Variants in DTNA observed in about 807,000 individuals in gnomAD.
DTNA encodes dystrobrevin alpha, also known as dystrophin-related protein 3.
Under a neutral mutation model 100.7 loss-of-function variants are expected in DTNA, and 43 were observed. The ratio of observed to expected loss-of-function variants is 0.43; its 90% CI spans 0.33 to 0.55. The LOEUF (loss-of-function observed/expected upper bound fraction) is 0.55, where lower values mean the gene tolerates loss of function less well. Among genes scored for constraint, DTNA ranks in the 20% least tolerant of loss-of-function variants. The pLI is 0.04. For missense variants in DTNA, 798 were observed against 953.9 expected (o/e 0.84, Z 2.15); for synonymous variants, 349 against 347.9 (o/e 1.00, Z -0.04).
intron 17 of DTNA, chr18:34,866,678 C>T (rs188534215): frequency 2.1e-4 from 212 of 998,514 alleles, no homozygotes; most frequent in Non-Finnish European, 2.4e-4. Context: ...TTCCCCATGG[C>T]TCACCAAAAT....
chr18:34,749,284 T>A (rs1410578386), intron 1 of DTNA, among the ~76,000 whole-genome samples: 1 of 152,148 alleles, frequency 6.6e-6, no homozygotes, highest in East Asian at 1.9e-4. Flanking sequence ...TTTGGTTTCT[T>A]CTTTCCAATT....
At chr18:34,507,986 A>G (rs886992549) in intron 1 of DTNA, among the ~76,000 whole-genome samples, 18 of 152,190 alleles carry the variant, frequency 1.2e-4, no homozygotes, top group African/African-American at 4.3e-4. Flanking sequence ...TTTCAAGTAA[A>G]TATAGTAAGG....
At chr18:34,731,941 GCTGT>G (rs1407357242) in intron 1 of DTNA, among the ~76,000 whole-genome samples, 7 of 152,166 alleles carry the variant, frequency 4.6e-5, no homozygotes, top group Non-Finnish European at 5.9e-5. Flanking sequence ...AACATTGTCA[GCTGT>G]CTAAGTGTTT....
chr18:34,601,496 T>A (rs2051820366), intron 1 of DTNA, among the ~76,000 whole-genome samples: 1 of 152,146 alleles, frequency 6.6e-6, no homozygotes, highest in Non-Finnish European at 1.5e-5. Context: ...TACCTCACCA[T>A]GTGCTTAGAA....
chr18:34,842,348 A>G (rs536717280), intron 13 of DTNA, among the ~76,000 whole-genome samples: 1 of 152,300 alleles, frequency 6.6e-6, no homozygotes, highest in Admixed American at 6.5e-5. Flanking sequence ...AAATTGCTCC[A>G]CAATATTTTA....
intron 3 of DTNA, among the ~76,000 whole-genome samples, chr18:34,778,185 G>A (rs905920273): frequency 6.6e-6 from 1 of 152,122 alleles, no homozygotes; most frequent in African/African-American, 2.4e-5. Flanking sequence ...TCATTCTAAA[G>A]CTTGATACAT....
intron 1 of DTNA, among the ~76,000 whole-genome samples, chr18:34,592,227 AAGT>A (rs1430414477): frequency 4.6e-5 from 7 of 152,122 alleles, no homozygotes; most frequent in Non-Finnish European, 7.3e-5. Context: ...GCTTTTGAAG[AAGT>A]TGTGTGGTCT....
intron 15 of DTNA, among the ~76,000 whole-genome samples, chr18:34,855,690 C>A (rs543622496): frequency 3.3e-5 from 5 of 152,186 alleles, no homozygotes; most frequent in African/African-American, 1.2e-4. Flanking sequence ...GGAGGTCAAC[C>A]CTGACCAGAG....
At chr18:34,748,220 T>C (rs892974912) in intron 1 of DTNA, among the ~76,000 whole-genome samples, 1 of 98,030 alleles carries the variant, frequency 1.0e-5, no homozygotes, top group African/African-American at 3.3e-5. Flanking sequence ...CTTTGTCAGA[T>C]GCATAGTTTG....
chr18:34,678,462 T>C (rs1390769669), intron 1 of DTNA, among the ~76,000 whole-genome samples: 1 of 152,040 alleles, frequency 6.6e-6, no homozygotes, highest in Non-Finnish European at 1.5e-5. Context: ...CCCTTCCCTT[T>C]CCACCCCCAC....
At chr18:34,791,798 A>G (rs1387609043) in intron 3 of DTNA, among the ~76,000 whole-genome samples, 6 of 152,216 alleles carry the variant, frequency 3.9e-5, no homozygotes, top group Admixed American at 3.3e-4. Flanking sequence ...TTGTTCATCT[A>G]TAATGCATTG....
intron 1 of DTNA, among the ~76,000 whole-genome samples, chr18:34,735,089 C>G (rs940205018): frequency 6.6e-6 from 1 of 152,110 alleles, no homozygotes; most frequent in Non-Finnish European, 1.5e-5. Flanking sequence ...CACACACACA[C>G]TCACATATAT....
At chr18:34,749,275 T>A (rs577548546) in intron 1 of DTNA, among the ~76,000 whole-genome samples, 1 of 152,208 alleles carries the variant, frequency 6.6e-6, no homozygotes, top group African/African-American at 2.4e-5. Flanking sequence ...GAGCAACAGT[T>A]TGGTTTCTTC....
chr18:34,805,525 A>ATGTTGGCCAGGC (rs2149242716), intron 4 of DTNA, among the ~76,000 whole-genome samples: 1 of 152,190 alleles, frequency 6.6e-6, no homozygotes, highest in East Asian at 1.9e-4. Context: ...GGATATCACC[A>ATGTTGGCCAGGC]TGTTGGCCAG....
At chr18:34,885,445 G>A (rs998662114) in intron 22 of DTNA, among the ~76,000 whole-genome samples, 2 of 152,146 alleles carry the variant, frequency 1.3e-5, no homozygotes, top group African/African-American at 4.8e-5. Context: ...AGAGAGATTA[G>A]CACTGGACTG....
At chr18:34,739,791 G>C (rs558668738) in intron 1 of DTNA, among the ~76,000 whole-genome samples, 8 of 152,104 alleles carry the variant, frequency 5.3e-5, no homozygotes, top group Non-Finnish European at 1.2e-4. Context: ...CTTGACTTCT[G>C]AGTTTCATTG....
At chr18:34,785,742 T>C (rs1454217255) in intron 3 of DTNA, among the ~76,000 whole-genome samples, 1 of 152,128 alleles carries the variant, frequency 6.6e-6, no homozygotes, top group African/African-American at 2.4e-5. Flanking sequence ...GGAGAGAAAA[T>C]AGATTATTAT....
intron 1 of DTNA, among the ~76,000 whole-genome samples, chr18:34,649,528 T>A (rs1317245558): frequency 1.3e-5 from 2 of 152,214 alleles, no homozygotes; most frequent in East Asian, 3.8e-4. Flanking sequence ...TTTATTTGAA[T>A]AATTTTCATC....
chr18:34,721,177 C>T (rs1421817797), intron 1 of DTNA, among the ~76,000 whole-genome samples: 2 of 152,126 alleles, frequency 1.3e-5, no homozygotes, highest in Admixed American at 6.6e-5. Flanking sequence ...TACTGGTTTA[C>T]TAATGCATCC....
Sources: gnomAD v4.1 joint callset for allele counts (sites outside exome capture counted in the v4.1 genomes callset) on GRCh38, gnomAD v4.1.1 for gene constraint, MANE v1.5 for transcripts, NCBI Gene and HGNC (gene_info 2026-07-23, HGNC 2026-07-21) for gene names.